The following MAPT variants were observed in gnomAD, a reference collection of about 807,000 sequenced individuals.
MAPT encodes microtubule associated protein tau, also known as microtubule-associated protein tau.
Under a neutral mutation model 67.9 loss-of-function variants are expected in MAPT, and 34 were observed. The observed-to-expected ratio is 0.50, with a 90% CI of 0.38 to 0.67. The LOEUF (loss-of-function observed/expected upper bound fraction) is 0.67, where lower values mean the gene tolerates loss of function less well. Ranked by LOEUF, MAPT falls within the 30% of genes least tolerant of loss-of-function variation. The pLI is 0.00. For synonymous variants in MAPT, 456 were observed against 464.5 expected, an observed-to-expected ratio of 0.98 and a Z score of 0.23; for missense variants, 881 against 1,115.2, an observed-to-expected ratio of 0.79 and a Z score of 2.99.
At chr17:45,987,476 C>T (rs1418126088) in intron 6 of MAPT, among the ~76,000 whole-genome samples, 4 of 144,856 alleles carry the variant, frequency 2.8e-5, no homozygotes, top group Admixed American at 7.0e-5. Flanking sequence ...TAAACTGCAC[C>T]CAGATCTTCG....
intron 1 of MAPT, among the ~76,000 whole-genome samples, chr17:45,934,231 T>G (rs2067122476): frequency 1.3e-5 from 2 of 152,120 alleles, no homozygotes; most frequent in African/African-American, 4.8e-5. Context: ...TCTTAGCTAC[T>G]TGGGAGGCTG....
At chr17:46,005,615 G>A (rs62064668) in intron 9 of MAPT, among the ~76,000 whole-genome samples, 21,791 of 152,048 alleles carry the variant, frequency 0.14, 2,131 homozygotes, top group Non-Finnish European at 0.22. Context: ...AAAATAATCC[G>A]CAAAGAAGGA....
chr17:45,904,116 T>G (rs1313611963), intron 1 of MAPT, among the ~76,000 whole-genome samples: 1 of 30,244 alleles, frequency 3.3e-5, no homozygotes, highest in Admixed American at 6.5e-4. Flanking sequence ...TTATATATAT[T>G]ATATATTATA....
At chr17:45,951,022 A>G (rs766547851) in intron 1 of MAPT, among the ~76,000 whole-genome samples, 1 of 152,352 alleles carries the variant, frequency 6.6e-6, no homozygotes, top group Non-Finnish European at 1.5e-5. Context: ...GAATAAACCA[A>G]TGTGGACTAT....
In MAPT at chr17:46,027,675, T is replaced by TA. The variant is rs1186711875; in HGVS notation, c.*3505dup. Reference sequence around the variant, plus strand: ...TAGAGGGAGGGAGCAGCCACGGAGTTAGAGGCCCTTGGGGTTTCTCTTTTC... The same window carrying TA: ...TAGAGGGAGGGAGCAGCCACGGAGTTAAGAGGCCCTTGGGGTTTCTCTTTTC... On this transcript the variant is annotated 3_prime_UTR_variant, in exon 13 of 13. Coordinates refer to ENST00000262410, the MANE Select transcript of MAPT (RefSeq NM_001377265.1). The TA allele has an allele frequency of 6.6e-5, 10 of 152,334 alleles. No homozygotes were observed. Among genetic ancestry groups the TA allele is most frequent in the African/African-American group, 1.9e-4 (8 of 41,560 alleles). 9.4% of individuals were successfully genotyped at this position (152,334 alleles called of 1,614,324 possible). A position where few individuals can be genotyped will look rare whatever the true frequency, so the allele number is the denominator to read the frequency against.
At chr17:45,945,587 C>T (rs1208600117) in intron 1 of MAPT, among the ~76,000 whole-genome samples, 3 of 152,056 alleles carry the variant, frequency 2.0e-5, no homozygotes, top group African/African-American at 7.2e-5. Flanking sequence ...CCAAGGCAGG[C>T]GGATCACTTG....
chr17:45,926,946 TAC>T (rs2066375725), intron 1 of MAPT, among the ~76,000 whole-genome samples: 1 of 108,036 alleles, frequency 9.3e-6, no homozygotes, highest in Non-Finnish European at 2.6e-5. Flanking sequence ...CACATATATA[TAC>T]ATATATGTGT....
In MAPT at chr17:45,990,022, T is replaced by C. The variant is rs909505666; in HGVS notation, c.1552T>C (p.Ser518Pro). The change falls in exon 7 of 13, where the codon TCT (serine) becomes CCT (proline). Residue 518 changes from serine (S) to proline (P), a missense_variant. Coordinates refer to ENST00000262410, the MANE Select transcript of MAPT (RefSeq NM_001377265.1). ...GCCACCTTCCTCTCCTAAATACGTC[T>C]CTTCTGTCACTTCCCGAACTGGCAG... ...PEPPSSPKYV[S>P]SVTSRTGSSG... The C allele has an allele frequency of 3.7e-6, 6 of 1,614,032 alleles. No individual in the cohort carries two copies. The highest frequency in any genetic ancestry group is 5.1e-6 in the Non-Finnish European group (6 of 1,180,042).
intron 5 of MAPT, chr17:45,985,758 G>A (rs778986922): frequency 9.2e-6 from 9 of 983,084 alleles, no homozygotes; most frequent in Admixed American, 6.1e-5. Flanking sequence ...AGTCAGATCC[G>A]CCTGGGGCTC....
At chr17:45,909,466 G>C (rs1371878271) in intron 1 of MAPT, among the ~76,000 whole-genome samples, 2 of 152,326 alleles carry the variant, frequency 1.3e-5, no homozygotes, top group Admixed American at 1.3e-4. Flanking sequence ...TGGGCGTGAT[G>C]GCTCACTCCT....
chr17:45,904,998 C>T (rs568737827), intron 1 of MAPT, among the ~76,000 whole-genome samples: 1 of 152,270 alleles, frequency 6.6e-6, no homozygotes, highest in African/African-American at 2.4e-5. Context: ...CAGGAATAGC[C>T]ATTTGGAAGA....
At chr17:45,930,407 C>G (rs1159154151) in intron 1 of MAPT, among the ~76,000 whole-genome samples, 1 of 81,964 alleles carries the variant, frequency 1.2e-5, no homozygotes. Context: ...ATTCTGTCTC[C>G]AAAAAAAAAA....
intron 1 of MAPT, among the ~76,000 whole-genome samples, chr17:45,904,678 C>A (rs1378926057): frequency 6.7e-6 from 1 of 148,910 alleles, no homozygotes; most frequent in Non-Finnish European, 1.5e-5. Context: ...GGTAACACAG[C>A]AAGGCCCTGT....
rs2069133801 is a variant in MAPT at position 45,952,007 on chromosome 17, G to A, written c.-17-10314G>A. Among the ~76,000 whole-genome samples the A allele has an allele frequency of 3.3e-5, 5 of 152,202 alleles. 1 individual carries two copies. The South Asian group carries it at 1.0e-3, about 31-fold the overall frequency. On this transcript the variant is annotated intron_variant, in intron 1 of 12. Coordinates refer to ENST00000262410, the MANE Select transcript of MAPT (RefSeq NM_001377265.1). ...ACAGCCTTGGTGTGTTTATTTTCCT[G>A]TCTGTGTATCGCTTCTCGGCCTTTT...
rs1392078864 is a variant in MAPT, at chr17:45,999,303, C to G, written c.1998+2639C>G. The stretch of plus-strand genomic sequence containing the variant: ...CCATGAGTGAGGGTGGAGGCCAAGT[C>G]TCATGCATTTTTGCAGCCCCCACAA... On this transcript the variant is annotated intron_variant, in intron 9 of 12. Transcript: ENST00000262410. 4 of 1,613,702 alleles carry G rather than the reference C, an allele frequency of 2.5e-6. No individual in the cohort carries two copies. In the Admixed American group the frequency reaches 5.0e-5, roughly 20 times the overall value.
Position 46,024,034 on chromosome 17 carries a change from C to T in MAPT, c.2365C>T (p.Pro789Ser), listed in dbSNP as rs1295855402. The part of the protein sequence containing the change: ...DHGAEIVYKS[P>S]VVSGDTSPRH... Reference sequence around the variant, plus strand: ...CGGGGCGGAGATCGTGTACAAGTCGCCAGTGGTGTCTGGGGACACGTCTCC... The same window carrying T: ...CGGGGCGGAGATCGTGTACAAGTCGTCAGTGGTGTCTGGGGACACGTCTCC... Residue 789 changes from proline to serine, a missense_variant, in exon 13 of 13, where the codon CCA (proline) becomes TCA (serine). Physicochemically the swap from Pro to Ser is moderately conservative, Grantham distance 74. Around this residue, in one of 6 missense-constraint regions of MAPT, gnomAD observed 79 missense variants for 150.9 expected, o/e 0.52. Transcript: ENST00000262410. The T allele has an allele frequency of 6.2e-7, 1 of 1,614,038 alleles. No individual in the cohort carries two copies. Among genetic ancestry groups the T allele is most frequent in the African/African-American group, 1.3e-5 (1 of 74,922 alleles).
At chr17:45,923,160 A>G (rs2065923570) in intron 1 of MAPT, among the ~76,000 whole-genome samples, 1 of 151,856 alleles carries the variant, frequency 6.6e-6, no homozygotes, top group African/African-American at 2.4e-5. Context: ...CAGGGGTAGG[A>G]CTCCTGGCCA....
At chr17:45,924,643 G>A (rs1323152401) in intron 1 of MAPT, among the ~76,000 whole-genome samples, 1 of 152,184 alleles carries the variant, frequency 6.6e-6, no homozygotes, top group East Asian at 1.9e-4. Context: ...ACACCCATGT[G>A]TGTCCATAGC....
At chr17:45,943,791 G>A (rs1277386089) in intron 1 of MAPT, among the ~76,000 whole-genome samples, 1 of 152,108 alleles carries the variant, frequency 6.6e-6, no homozygotes, top group African/African-American at 2.4e-5. Flanking sequence ...ACATTGTGTG[G>A]GTTCCAGCGC....
Sources: gnomAD v4.1 joint callset for allele counts (sites outside exome capture counted in the v4.1 genomes callset) on GRCh38, gnomAD v4.1.1 for gene constraint, gnomAD v4.1.1 regional missense constraint, MANE v1.5 for transcripts, NCBI Gene and HGNC (gene_info 2026-07-23, HGNC 2026-07-21) for gene names.